The following TBC1D32 variants were observed in gnomAD, a reference collection of about 807,000 sequenced individuals.
The protein encoded by TBC1D32 is protein broad-minded.
A neutral mutation model predicts 170.3 loss-of-function variants in TBC1D32; 151 were observed. That is an observed-to-expected ratio of 0.89 (90% CI 0.78 to 1.01). The LOEUF is 1.01. Among genes scored for constraint, TBC1D32 ranks in the 50% least tolerant of loss-of-function variants. TBC1D32 has a pLI of 0.00. For missense variants in TBC1D32, 1,464 were observed against 1,457.1 expected (o/e 1.00, Z -0.08); for synonymous variants, 498 against 488.0 (o/e 1.02, Z -0.27).
intron 15 of TBC1D32, among the ~76,000 whole-genome samples, chr6:121,261,770 C>T (rs775862529): frequency 1.3e-5 from 2 of 152,064 alleles, no homozygotes; most frequent in Non-Finnish European, 2.9e-5. Flanking sequence ...CAGAACTGGA[C>T]GGAGGATGAG....
At chr6:121,195,013 G>T (rs546755649) in intron 22 of TBC1D32, among the ~76,000 whole-genome samples, 1 of 152,228 alleles carries the variant, frequency 6.6e-6, no homozygotes, top group African/African-American at 2.4e-5. Context: ...TACTTCTAAA[G>T]TGAAGGATAA....
At chr6:121,318,297 T>A (rs1809212110) in intron 2 of TBC1D32, among the ~76,000 whole-genome samples, 2 of 152,102 alleles carry the variant, frequency 1.3e-5, no homozygotes, top group Admixed American at 1.3e-4. Flanking sequence ...ATTTAAAATC[T>A]CTTTCGGAAG....
At chr6:121,298,860 T>G (rs1212581811) in intron 10 of TBC1D32, among the ~76,000 whole-genome samples, 1 of 152,150 alleles carries the variant, frequency 6.6e-6, no homozygotes, top group East Asian at 1.9e-4. Flanking sequence ...GTATAACATT[T>G]GAATGTCTTA....
At chr6:121,153,481 C>T (rs1475747078) in intron 24 of TBC1D32, among the ~76,000 whole-genome samples, 1 of 152,192 alleles carries the variant, frequency 6.6e-6, no homozygotes, top group Non-Finnish European at 1.5e-5. Context: ...CAGGGACCCA[C>T]TTGAGGAGGC....
chr6:121,175,503 A>C (rs889063232), intron 22 of TBC1D32, among the ~76,000 whole-genome samples: 2 of 152,228 alleles, frequency 1.3e-5, no homozygotes, highest in African/African-American at 4.8e-5. Context: ...GACCAAGCAC[A>C]GCTCATTCCA....
At chr6:121,209,890 G>C (rs955912795) in intron 21 of TBC1D32, among the ~76,000 whole-genome samples, 1 of 152,148 alleles carries the variant, frequency 6.6e-6, no homozygotes, top group Non-Finnish European at 1.5e-5. Context: ...CTGAAAGTTA[G>C]TTATATAAAT....
At chr6:121,238,435 A>G (rs985816624) in intron 20 of TBC1D32, among the ~76,000 whole-genome samples, 2 of 152,138 alleles carry the variant, frequency 1.3e-5, no homozygotes, top group African/African-American at 4.8e-5. Context: ...GAAACTTCTG[A>G]AACATTGGAG....
At chr6:121,170,372 T>G in intron 22 of TBC1D32, 2 of 1,549,354 alleles carry the variant, frequency 1.3e-6, no homozygotes, top group Non-Finnish European at 1.7e-6. Context: ...TAAAGAAAAC[T>G]GCTGTTACTC....
At chr6:121,264,033 G>A (rs9490149) in intron 15 of TBC1D32, among the ~76,000 whole-genome samples, 28,900 of 151,828 alleles carry the variant, frequency 0.19, 5,558 homozygotes, top group African/African-American at 0.5. Flanking sequence ...AATAACTAGC[G>A]AATCAAGAGC....
intron 24 of TBC1D32, among the ~76,000 whole-genome samples, chr6:121,140,681 T>A (rs947662276): frequency 2.0e-5 from 3 of 152,060 alleles, no homozygotes; most frequent in African/African-American, 7.2e-5. Context: ...GGCTGTACAT[T>A]TTTTAGTTAT....
chr6:121,148,008 T>C (rs761593855), intron 24 of TBC1D32, among the ~76,000 whole-genome samples: 1 of 151,794 alleles, frequency 6.6e-6, no homozygotes, highest in Non-Finnish European at 1.5e-5. Flanking sequence ...TATTATACTT[T>C]AAGTTCTGGG....
chr6:121,169,021 T>A (rs1440408512), intron 22 of TBC1D32, among the ~76,000 whole-genome samples: 1 of 151,892 alleles, frequency 6.6e-6, no homozygotes, highest in Non-Finnish European at 1.5e-5. Flanking sequence ...TCAATGCTAT[T>A]CGTATTAAAC....
At chr6:121,274,604 G>C (rs908995100) in intron 15 of TBC1D32, among the ~76,000 whole-genome samples, 4 of 151,484 alleles carry the variant, frequency 2.6e-5, no homozygotes, top group African/African-American at 9.7e-5. Context: ...ATTATTATGT[G>C]TCAATTTAAA....
At chr6:121,154,129 C>T (rs556571547) in intron 24 of TBC1D32, among the ~76,000 whole-genome samples, 20 of 151,980 alleles carry the variant, frequency 1.3e-4, no homozygotes, top group Non-Finnish European at 2.8e-4. Flanking sequence ...GTGTAGGCAC[C>T]CAAGGGAATC....
At chr6:121,131,796 T>G in intron 24 of TBC1D32, 44 bp from the exon 25 acceptor site, 1 of 1,462,386 alleles carries the variant, frequency 6.8e-7, no homozygotes, top group Non-Finnish European at 9.3e-7. Context: ...ACATGCTAGA[T>G]ATACTGAAAA....
chr6:121,083,990 A>G (rs939271226), intron 31 of TBC1D32, among the ~76,000 whole-genome samples: 2 of 152,040 alleles, frequency 1.3e-5, no homozygotes, highest in African/African-American at 4.8e-5. Flanking sequence ...GAGCCAGCTC[A>G]TTCCGACCTC....
chr6:121,159,656 C>T (rs1785360210), intron 24 of TBC1D32, among the ~76,000 whole-genome samples: 1 of 152,040 alleles, frequency 6.6e-6, no homozygotes, highest in Non-Finnish European at 1.5e-5. Flanking sequence ...TCCTAGGCTA[C>T]AAGTCTATAC....
At chr6:121,332,898 G>T (rs2128520073) in intron 1 of TBC1D32, among the ~76,000 whole-genome samples, 1 of 152,160 alleles carries the variant, frequency 6.6e-6, no homozygotes, top group Admixed American at 6.5e-5. Context: ...AAAAGAAAAA[G>T]AAACCGTAAG....
At chr6:121,297,559 A>C (rs912283658) in intron 10 of TBC1D32, among the ~76,000 whole-genome samples, 1 of 152,078 alleles carries the variant, frequency 6.6e-6, no homozygotes, top group Non-Finnish European at 1.5e-5. Context: ...GACAGCCAAA[A>C]CTTTTAACCA....
Sources: gnomAD v4.1 joint callset for allele counts (sites outside exome capture counted in the v4.1 genomes callset) on GRCh38, gnomAD v4.1.1 for gene constraint, MANE v1.5 for transcripts, NCBI Gene and HGNC (gene_info 2026-07-23, HGNC 2026-07-21) for gene names.